Variants in EFCAB11 observed in about 807,000 individuals in gnomAD.
EFCAB11 encodes EF-hand calcium-binding domain-containing protein 11.
In EFCAB11, 14 loss-of-function variants were observed where a neutral mutation model predicts 23.0. The ratio of observed to expected loss-of-function variants is 0.61; its 90% CI spans 0.40 to 0.95. The LOEUF is 0.95. Ranked by LOEUF, EFCAB11 falls within the 40% of genes least tolerant of loss-of-function variation. The pLI is 0.00. For missense variants in EFCAB11, 198 were observed against 195.8 expected, an observed-to-expected ratio of 1.01 and a Z score of -0.07; for synonymous variants, 65 against 66.6, an observed-to-expected ratio of 0.98 and a Z score of 0.11.
At chr14:89,808,235 T>G (rs1343208838) in intron 5 of EFCAB11, among the ~76,000 whole-genome samples, 1 of 152,190 alleles carries the variant, frequency 6.6e-6, no homozygotes, top group Non-Finnish European at 1.5e-5. Context: ...CTCCATCTAA[T>G]TAAAAGCGTA....
intron 5 of EFCAB11, among the ~76,000 whole-genome samples, chr14:89,906,756 A>G (rs1390340941): frequency 1.3e-5 from 2 of 152,212 alleles, no homozygotes; most frequent in Admixed American, 6.5e-5. Context: ...AACATTAGCA[A>G]TGGGAAAACT....
chr14:89,937,974 C>T (rs1890649826), intron 3 of EFCAB11: 1 of 151,936 alleles, frequency 6.6e-6, no homozygotes, highest in African/African-American at 2.4e-5. Context: ...TCATCTTTCA[C>T]CACAGGGGAA....
intron 5 of EFCAB11, among the ~76,000 whole-genome samples, chr14:89,926,624 C>G (rs1302867162): frequency 1.3e-5 from 2 of 151,994 alleles, no homozygotes; most frequent in Non-Finnish European, 2.9e-5. Context: ...ATACTAAGAG[C>G]AAAGCAAGCA....
chr14:89,944,500 A>G (rs1337990360), intron 3 of EFCAB11, among the ~76,000 whole-genome samples: 1 of 152,246 alleles, frequency 6.6e-6, no homozygotes, highest in Non-Finnish European at 1.5e-5. Context: ...TCCAGAAAGA[A>G]TAACTCACTG....
At chr14:89,834,694 G>C (rs1887014186) in intron 5 of EFCAB11, among the ~76,000 whole-genome samples, 2 of 152,232 alleles carry the variant, frequency 1.3e-5, no homozygotes, top group African/African-American at 4.8e-5. Flanking sequence ...CCCACGGATA[G>C]CAACAAAGAG....
chr14:89,906,358 T>C (rs1184941373), intron 5 of EFCAB11, among the ~76,000 whole-genome samples: 2 of 152,188 alleles, frequency 1.3e-5, no homozygotes, highest in African/African-American at 4.8e-5. Flanking sequence ...ACAACTGAGA[T>C]AATTTAAAAT....
At chr14:89,853,980 T>C (rs1246293149) in intron 5 of EFCAB11, among the ~76,000 whole-genome samples, 1 of 152,140 alleles carries the variant, frequency 6.6e-6, no homozygotes, top group Non-Finnish European at 1.5e-5. Context: ...TAATAACAGC[T>C]AAATGTGTTA....
chr14:89,884,685 C>T (rs1035671403), intron 5 of EFCAB11, among the ~76,000 whole-genome samples: 5 of 152,190 alleles, frequency 3.3e-5, no homozygotes, highest in African/African-American at 7.2e-5. Context: ...ATTACTAAGA[C>T]GAAGTACTAG....
chr14:89,949,225 A>G (rs1003971911), intron 3 of EFCAB11, among the ~76,000 whole-genome samples: 5 of 152,202 alleles, frequency 3.3e-5, no homozygotes, highest in African/African-American at 1.2e-4. Flanking sequence ...GCCTACATCA[A>G]AACATCTCAT....
chr14:89,932,917 C>T (rs1890446559), intron 3 of EFCAB11, among the ~76,000 whole-genome samples: 1 of 152,176 alleles, frequency 6.6e-6, no homozygotes, highest in Admixed American at 6.5e-5. Flanking sequence ...CTTGAAAAAA[C>T]TGTAACACTC....
intron 5 of EFCAB11, among the ~76,000 whole-genome samples, chr14:89,901,403 T>G: frequency 6.6e-6 from 1 of 152,248 alleles, no homozygotes; most frequent in East Asian, 1.9e-4. Context: ...ATAGACATAA[T>G]CTAGGAAAGT....
chr14:89,816,205 T>C (rs1293483891), intron 5 of EFCAB11, among the ~76,000 whole-genome samples: 1 of 152,212 alleles, frequency 6.6e-6, no homozygotes, highest in Non-Finnish European at 1.5e-5. Context: ...TTGGCATATA[T>C]AAATGGTACT....
At chr14:89,929,605 C>T (rs767216523) in intron 5 of EFCAB11, among the ~76,000 whole-genome samples, 2 of 151,958 alleles carry the variant, frequency 1.3e-5, no homozygotes, top group Non-Finnish European at 2.9e-5. Flanking sequence ...AGGCTGGTCT[C>T]GAATTCCTGA....
chr14:89,856,178 TTCTCTCTC>T (rs372108958), intron 5 of EFCAB11, among the ~76,000 whole-genome samples: 2 of 143,016 alleles, frequency 1.4e-5, no homozygotes, highest in African/African-American at 2.6e-5. Flanking sequence ...TATTTTTAAT[TTCTCTCTC>T]TCTCTCTTTT....
chr14:89,901,379 C>T (rs1317302705), intron 5 of EFCAB11, among the ~76,000 whole-genome samples: 1 of 152,140 alleles, frequency 6.6e-6, no homozygotes, highest in East Asian at 1.9e-4. Flanking sequence ...GATAGGTGCT[C>T]ACTAATTGAA....
chr14:89,851,674 A>C (rs1033433033), intron 5 of EFCAB11, among the ~76,000 whole-genome samples: 2 of 152,224 alleles, frequency 1.3e-5, no homozygotes, highest in Non-Finnish European at 2.9e-5. Context: ...TAAACAAAAC[A>C]ACCATATAAA....
chr14:89,884,475 T>TC (rs944925100), intron 5 of EFCAB11, among the ~76,000 whole-genome samples: 7 of 151,784 alleles, frequency 4.6e-5, no homozygotes, highest in African/African-American at 1.2e-4. Context: ...AGTTTTCCCC[T>TC]CCCCCCACCA....
At chr14:89,900,304 C>T (rs1889300489) in intron 5 of EFCAB11, among the ~76,000 whole-genome samples, 1 of 151,914 alleles carries the variant, frequency 6.6e-6, no homozygotes, top group East Asian at 1.9e-4. Flanking sequence ...AAGACATACA[C>T]GAATGATTAA....
intron 5 of EFCAB11, among the ~76,000 whole-genome samples, chr14:89,799,825 T>G (rs568861194): frequency 6.4e-4 from 98 of 152,236 alleles, no homozygotes; most frequent in African/African-American, 2.3e-3. Flanking sequence ...ATAGAAAATC[T>G]ATTACCTCCC....
Sources: allele counts gnomAD v4.1 joint callset (sites outside exome capture counted in the v4.1 genomes callset), GRCh38; gene constraint gnomAD v4.1.1; transcripts MANE v1.5; gene names NCBI Gene and HGNC (gene_info 2026-07-23, HGNC 2026-07-21).